ARHGAP42: variants seen among roughly 807,000 people sequenced by gnomAD.
ARHGAP42 encodes the protein rho GTPase-activating protein 42.
A neutral mutation model predicts 125.0 loss-of-function variants in ARHGAP42; 63 were observed. The observed-to-expected ratio is 0.50, with a 90% CI of 0.41 to 0.62. The LOEUF (loss-of-function observed/expected upper bound fraction) is 0.62. Ranked by LOEUF, ARHGAP42 falls within the 20% of genes least tolerant of loss-of-function variation. The pLI is 0.00. For synonymous variants in ARHGAP42, 339 were observed against 351.0 expected, an observed-to-expected ratio of 0.97 and a Z score of 0.38; for missense variants, 766 against 1,024.2, an observed-to-expected ratio of 0.75 and a Z score of 3.44.
intron 4 of ARHGAP42, among the ~76,000 whole-genome samples, chr11:100,894,933 C>T (rs1417113263): frequency 6.6e-6 from 1 of 152,332 alleles, no homozygotes; most frequent in Admixed American, 6.5e-5. Context: ...AGGGCCGCAA[C>T]ACCTGTGGCC....
intron 3 of ARHGAP42, among the ~76,000 whole-genome samples, chr11:100,836,807 G>A (rs1864799127): frequency 7.9e-6 from 1 of 127,158 alleles, no homozygotes; most frequent in Non-Finnish European, 1.6e-5. Flanking sequence ...CATATATAAT[G>A]TCTGGGACTT....
chr11:100,954,112 C>G (rs1487439548), intron 12 of ARHGAP42, among the ~76,000 whole-genome samples: 1 of 152,160 alleles, frequency 6.6e-6, no homozygotes, highest in Non-Finnish European at 1.5e-5. Flanking sequence ...GGCTTTCTTT[C>G]TCTGACATTC....
chr11:100,842,195 T>TA, intron 3 of ARHGAP42, among the ~76,000 whole-genome samples: 2 of 152,152 alleles, frequency 1.3e-5, no homozygotes. Context: ...GTTGGACAGT[T>TA]ACCTTCACTG....
chr11:100,945,960 T>A (rs1868004047), intron 10 of ARHGAP42, among the ~76,000 whole-genome samples: 1 of 152,144 alleles, frequency 6.6e-6, no homozygotes, highest in South Asian at 2.1e-4. Flanking sequence ...AATGAGGGCA[T>A]CTTCCAACAG....
intron 4 of ARHGAP42, among the ~76,000 whole-genome samples, chr11:100,889,608 C>A (rs1866172486): frequency 6.6e-6 from 1 of 152,094 alleles, no homozygotes; most frequent in Non-Finnish European, 1.5e-5. Context: ...ATGAGTTTTC[C>A]CATCTTAGCA....
At chr11:100,887,941 C>G (rs1353467807) in intron 4 of ARHGAP42, among the ~76,000 whole-genome samples, 1 of 152,250 alleles carries the variant, frequency 6.6e-6, no homozygotes, top group Non-Finnish European at 1.5e-5. Flanking sequence ...CCCTGCATCA[C>G]AGTCCCATCT....
intron 3 of ARHGAP42, among the ~76,000 whole-genome samples, chr11:100,858,104 TGTGTGTGTGTGTG>T (rs1865364420): frequency 6.8e-6 from 1 of 146,674 alleles, no homozygotes; most frequent in Non-Finnish European, 1.5e-5. Context: ...TGTGTGTGTG[TGTGTGTGTGTGTG>T]TGTGTGTTTA....
At position 100,980,539 on chromosome 11, in the gene ARHGAP42, T is replaced by TCATACTTC. The variant is rs1317440126; in HGVS notation, c.2456+1491_2456+1498dup. The stretch of plus-strand genomic sequence containing the variant: ...TACACTCAGATGTTCAACAGTCAAA[T>TCATACTTC]CATACTTCTTTTTCTTCTTCTTTTT... On this transcript the variant is annotated intron_variant, in intron 22 of 23. Transcript: ENST00000298815. 2.7e-5 allele frequency among the ~76,000 whole-genome samples: 4 copies of TCATACTTC among 145,464 alleles called. No homozygotes were observed. The Admixed American group carries it at 2.8e-4, about 10-fold the overall frequency.
At chr11:100,929,806 C>T (rs149282992) in intron 6 of ARHGAP42, among the ~76,000 whole-genome samples, 2 of 152,192 alleles carry the variant, frequency 1.3e-5, no homozygotes, top group Admixed American at 6.5e-5. Context: ...CATACAAGCC[C>T]CTTATGGGAT....
At chr11:100,939,476 C>T (rs573365616) in intron 8 of ARHGAP42, among the ~76,000 whole-genome samples, 1 of 152,034 alleles carries the variant, frequency 6.6e-6, no homozygotes, top group Admixed American at 6.6e-5. Flanking sequence ...GTCACATGCC[C>T]TATTGATGAA....
chr11:100,754,014 C>T (rs1421160804), intron 1 of ARHGAP42, among the ~76,000 whole-genome samples: 2 of 152,236 alleles, frequency 1.3e-5, no homozygotes, highest in East Asian at 3.8e-4. Flanking sequence ...TTCCAAGTGG[C>T]AGAGGCTGCC....
chr11:100,868,872 A>G (rs1027567692), intron 4 of ARHGAP42, among the ~76,000 whole-genome samples: 2 of 152,168 alleles, frequency 1.3e-5, no homozygotes, highest in Non-Finnish European at 2.9e-5. Flanking sequence ...GACATTTCAC[A>G]TAATTTGTTT....
chr11:100,822,744 CT>C (rs1402917398), intron 3 of ARHGAP42, among the ~76,000 whole-genome samples: 1 of 152,058 alleles, frequency 6.6e-6, no homozygotes, highest in Non-Finnish European at 1.5e-5. Context: ...GATTGTTACC[CT>C]TTTTTCCCAC....
intron 3 of ARHGAP42, among the ~76,000 whole-genome samples, chr11:100,809,798 T>TA (rs1565223726): frequency 6.6e-6 from 1 of 151,806 alleles, no homozygotes; most frequent in Non-Finnish European, 1.5e-5. Flanking sequence ...CTGCAAAAAA[T>TA]ACAAAAATTA....
At chr11:100,806,961 C>A (rs926520294) in intron 3 of ARHGAP42, among the ~76,000 whole-genome samples, 2 of 151,670 alleles carry the variant, frequency 1.3e-5, no homozygotes, top group Non-Finnish European at 2.9e-5. Flanking sequence ...GATTCTTGTG[C>A]CTTGACCTCC....
chr11:100,817,847 A>G (rs1247363245), intron 3 of ARHGAP42, among the ~76,000 whole-genome samples: 1 of 152,146 alleles, frequency 6.6e-6, no homozygotes, highest in East Asian at 1.9e-4. Flanking sequence ...AGCTATCTCC[A>G]TACCCCAAAA....
At chr11:100,814,277 A>T (rs529110825) in intron 3 of ARHGAP42, among the ~76,000 whole-genome samples, 4 of 151,462 alleles carry the variant, frequency 2.6e-5, no homozygotes, top group Non-Finnish European at 4.4e-5. Context: ...GAATCACTTG[A>T]ATCTGGGAGG....
intron 4 of ARHGAP42, among the ~76,000 whole-genome samples, chr11:100,881,301 G>T (rs533280633): frequency 1.8e-3 from 269 of 152,188 alleles, no homozygotes; most frequent in African/African-American, 6.1e-3. Context: ...CATGTGGCTT[G>T]CTAATTACCC....
At chr11:100,833,625 T>A (rs547799975) in intron 3 of ARHGAP42, among the ~76,000 whole-genome samples, 1 of 152,360 alleles carries the variant, frequency 6.6e-6, no homozygotes, top group South Asian at 2.1e-4. Flanking sequence ...CTCTCCAGCA[T>A]GGTCCTTCAG....
Sources: gnomAD v4.1 joint callset for allele counts (sites outside exome capture counted in the v4.1 genomes callset) on GRCh38, gnomAD v4.1.1 for gene constraint, MANE v1.5 for transcripts, NCBI Gene and HGNC (gene_info 2026-07-23, HGNC 2026-07-21) for gene names.